LRP6: variants seen among roughly 807,000 people sequenced by gnomAD.
The protein encoded by LRP6 is low-density lipoprotein receptor-related protein 6.
LRP6 carries 43 observed loss-of-function variants against 184.1 expected under a neutral mutation model. The ratio of observed to expected loss-of-function variants is 0.23; its 90% CI spans 0.18 to 0.30. The LOEUF (loss-of-function observed/expected upper bound fraction) is 0.30. Ranked by LOEUF, LRP6 falls within the 10% of genes least tolerant of loss-of-function variation. The probability of loss-of-function intolerance (pLI) is 1.00; values close to 1 mark genes in which losing one functional copy is unlikely to be tolerated. For missense variants in LRP6, 1,571 were observed against 2,005.3 expected (o/e 0.78, Z 4.14); for synonymous variants, 719 against 684.9 (o/e 1.05, Z -0.78).
At chr12:12,155,641 G>A in intron 12 of LRP6, 2 of 924,598 alleles carry the variant, frequency 2.2e-6, no homozygotes, top group East Asian at 2.4e-5. Context: ...GAAAAAGAAA[G>A]AAGCCAAAGA....
intron 12 of LRP6, among the ~76,000 whole-genome samples, chr12:12,153,235 T>C (rs532405436): frequency 1.7e-4 from 26 of 152,200 alleles, no homozygotes; most frequent in Non-Finnish European, 3.4e-4. Flanking sequence ...ATGCCTGTAA[T>C]ACTAGCCCTT....
chr12:12,151,929 C>T (rs1950086978), intron 12 of LRP6, among the ~76,000 whole-genome samples: 1 of 152,052 alleles, frequency 6.6e-6, no homozygotes, highest in Non-Finnish European at 1.5e-5. Context: ...ATTGCAGATA[C>T]TATTTTGTTG....
intron 1 of LRP6, 54 bp from the exon 2 acceptor site, chr12:12,244,709 C>G (rs760087721): frequency 3.6e-5 from 57 of 1,572,580 alleles, no homozygotes; most frequent in Non-Finnish European, 4.9e-5. Context: ...CGTATTGGTT[C>G]TTATAAACTG....
intron 1 of LRP6, among the ~76,000 whole-genome samples, chr12:12,260,560 A>G (rs1033198073): frequency 4.6e-5 from 7 of 152,170 alleles, no homozygotes; most frequent in Admixed American, 2.6e-4. Flanking sequence ...ACATAGCGAC[A>G]CTTAAAATGT....
intron 20 of LRP6, among the ~76,000 whole-genome samples, 188 bp downstream of exon 20, chr12:12,126,503 A>C (rs1238318053): frequency 2.0e-5 from 3 of 152,166 alleles, no homozygotes; most frequent in Non-Finnish European, 4.4e-5. Flanking sequence ...TTTCTACCAA[A>C]CCATATCTAA....
intron 1 of LRP6, among the ~76,000 whole-genome samples, chr12:12,248,642 C>T (rs1328326572): frequency 1.3e-5 from 2 of 151,872 alleles, no homozygotes; most frequent in East Asian, 1.9e-4. Context: ...CCACTACGCC[C>T]AGCTAATTTT....
intron 3 of LRP6, among the ~76,000 whole-genome samples, chr12:12,198,774 C>A (rs563088500): frequency 6.6e-6 from 1 of 151,856 alleles, no homozygotes; most frequent in African/African-American, 2.4e-5. Context: ...CCTCAGGTGA[C>A]CCGCCTGCCT....
intron 1 of LRP6, among the ~76,000 whole-genome samples, chr12:12,261,490 A>G (rs1865615953): frequency 6.6e-6 from 1 of 152,192 alleles, no homozygotes; most frequent in Non-Finnish European, 1.5e-5. Flanking sequence ...TAATAACCAG[A>G]CAAATTATTG....
chr12:12,159,805 G>A lies in LRP6; in HGVS notation c.2439C>T (p.Asn813=). 6.2e-7 allele frequency: 1 copy of A among 1,614,124 alleles called. No individual in the cohort carries two copies. ...RRLYWTDLDT[N]LIESSNMLGL... ...CAAGCATATTTGAAGATTCTATTAA[G>A]TTGGTGTCCAGGTCTGTCCAATAAA... is the stretch of plus-strand genomic sequence containing the variant. Residue 813 remains asparagine (N), a synonymous_variant, in exon 11 of 23, where the codon AAC becomes AAT. Transcript: ENST00000261349.
At position 12,121,251 on chromosome 12, in the gene LRP6, G is replaced by T; in HGVS notation, c.4717C>A (p.Pro1573Thr). The T allele has an allele frequency of 6.2e-7, 1 of 1,614,134 alleles. No homozygotes were observed. Among genetic ancestry groups the T allele is most frequent in the Non-Finnish European group, 8.5e-7 (1 of 1,180,028 alleles). The change falls in exon 23 of 23, where the codon CCC (proline) becomes ACC (threonine). Residue 1573 changes from proline (P) to threonine (T), a missense_variant. This residue lies in a region of LRP6 where 763 missense variants were observed against 859.5 expected (regional missense o/e 0.89). Coordinates refer to ENST00000261349, the MANE Select transcript of LRP6 (RefSeq NM_002336.3). ...TCTGCTGACAAGTATTGGCTTCGGG[G>T]TGTGGGAGGTGGGGGCACAGGTTCT... ...DSEPVPPPPTPRSQYLSAEEN... is the reference protein window; with the variant it reads ...DSEPVPPPPTTRSQYLSAEEN...
intron 1 of LRP6, among the ~76,000 whole-genome samples, chr12:12,260,590 T>C (rs1865590249): frequency 6.6e-6 from 1 of 152,076 alleles, no homozygotes; most frequent in Non-Finnish European, 1.5e-5. Flanking sequence ...CTTTCCAGAG[T>C]ATAATGTTTC....
intron 3 of LRP6, among the ~76,000 whole-genome samples, chr12:12,201,838 T>C (rs1863920145): frequency 6.6e-6 from 1 of 152,206 alleles, no homozygotes; most frequent in Non-Finnish European, 1.5e-5. Context: ...TTGTTATATG[T>C]CATTTCACTC....
rs1378556697 is a variant in LRP6 at position 12,244,581 on chromosome 12, T to C, written c.130A>G (p.Thr44Ala). 3 of 1,614,146 alleles carry C rather than the reference T, an allele frequency of 1.9e-6. No homozygotes were observed. The Admixed American group carries it at 5.0e-5, about 27-fold the overall frequency. ...TCCTCCAAGCCTCCAACTACAATCG[T>C]AGCATTCTCTTTGCCATTTGTAGCA... ...VDATNGKENA[T>A]IVVGGLEDAA... The change falls in exon 2 of 23, where the codon ACG (threonine) becomes GCG (alanine). Residue 44 changes from threonine (T) to alanine (A), a missense_variant. Around this residue, in one of 4 missense-constraint regions of LRP6, gnomAD observed 640 missense variants for 851.9 expected, o/e 0.75. Transcript: ENST00000261349.
chr12:12,261,216 C>G (rs12820350), intron 1 of LRP6, among the ~76,000 whole-genome samples: 36 of 151,948 alleles, frequency 2.4e-4, no homozygotes, highest in Non-Finnish European at 4.0e-4. Context: ...ATCAGGAGAT[C>G]GAGACCATCC....
intron 16 of LRP6, among the ~76,000 whole-genome samples, chr12:12,136,735 G>C (rs762064339): frequency 6.6e-6 from 1 of 152,142 alleles, no homozygotes; most frequent in Non-Finnish European, 1.5e-5. Context: ...GTCCAAAACA[G>C]ACATCACACA....
intron 8 of LRP6, 104 bp downstream of exon 8, chr12:12,164,975 A>C (rs1862840475): frequency 1.4e-6 from 1 of 731,632 alleles, no homozygotes; most frequent in Non-Finnish European, 2.4e-6. Flanking sequence ...GCAGTAAAGA[A>C]GGTTTCAAAA....
chr12:12,253,080 A>G lies in LRP6; in HGVS notation c.56-8425T>C, dbSNP rs1173952907. ...GGAGTTTGAGACCAGCCTGGCCAAC[A>G]TGGCGAAACCCTGTCTCTACCAAAA... On this transcript the variant is annotated intron_variant, in intron 1 of 22. Coordinates refer to ENST00000261349, the MANE Select transcript of LRP6 (RefSeq NM_002336.3). 3.3e-5 allele frequency among the ~76,000 whole-genome samples: 5 copies of G among 151,974 alleles called. 1 individual carries two copies. The highest frequency in any genetic ancestry group is 4.0e-4 in the East Asian group (2 of 5,046).
intron 3 of LRP6, among the ~76,000 whole-genome samples, chr12:12,198,034 T>G (rs1394925349): frequency 1.3e-5 from 2 of 152,230 alleles, no homozygotes; most frequent in Non-Finnish European, 2.9e-5. Flanking sequence ...TTCTCCTGCC[T>G]TAGCCCCCTG....
At chr12:12,168,282 T>C (rs1191866719) in intron 7 of LRP6, among the ~76,000 whole-genome samples, 1 of 151,796 alleles carries the variant, frequency 6.6e-6, no homozygotes, top group Admixed American at 6.6e-5. Flanking sequence ...TACACACATA[T>C]CCCCTCTCTG....
Sources: gnomAD v4.1 joint callset for allele counts (sites outside exome capture counted in the v4.1 genomes callset) on GRCh38, gnomAD v4.1.1 for gene constraint, gnomAD v4.1.1 regional missense constraint, MANE v1.5 for transcripts, NCBI Gene and HGNC (gene_info 2026-07-23, HGNC 2026-07-21) for gene names.